Variants in ADAMTS20 observed in about 807,000 individuals in gnomAD.
ADAMTS20 encodes the protein A disintegrin and metalloproteinase with thrombospondin motifs 20.
In ADAMTS20, 225 loss-of-function variants were observed where a neutral mutation model predicts 260.1. The observed-to-expected ratio is 0.87, with a 90% confidence interval of 0.78 to 0.97. ADAMTS20 has a LOEUF of 0.97. Among genes scored for constraint, ADAMTS20 ranks in the 50% least tolerant of loss-of-function variants. ADAMTS20 has a pLI of 0.00. For missense variants in ADAMTS20, 2,400 were observed against 2,337.7 expected (o/e 1.03, Z -0.55); for synonymous variants, 802 against 769.5 (o/e 1.04, Z -0.70).
intron 37 of ADAMTS20, among the ~76,000 whole-genome samples, chr12:43,365,793 T>C (rs1056372507): frequency 2.0e-5 from 3 of 151,936 alleles, no homozygotes; most frequent in Non-Finnish European, 2.9e-5. Flanking sequence ...TCTTTATATT[T>C]CACTGGAAAG....
rs562696669 is a variant in ADAMTS20 at position 43,539,738 on chromosome 12, T to G, written c.454-7543A>C. On this transcript the variant is annotated intron_variant, in intron 2 of 38. Transcript: ENST00000389420. ...TTTCTGCCTTTTTTAAAAAGCATGC[T>G]GAAGAGGGGAAATGTGATACTATCT... 1.0e-3 allele frequency among the ~76,000 whole-genome samples: 154 copies of G among 152,340 alleles called. 1 individual carries two copies. The highest frequency in any genetic ancestry group is 1.7e-3 in the Non-Finnish European group (117 of 68,036).
chr12:43,504,543 A>G (rs539325506), intron 3 of ADAMTS20, among the ~76,000 whole-genome samples: 1 of 152,290 alleles, frequency 6.6e-6, no homozygotes, highest in South Asian at 2.1e-4. Flanking sequence ...TAAAATATCC[A>G]TGACCAATTA....
chr12:43,436,813 G>A (rs983910084), intron 18 of ADAMTS20, among the ~76,000 whole-genome samples: 8 of 152,064 alleles, frequency 5.3e-5, no homozygotes, highest in African/African-American at 1.9e-4. Context: ...CTGTTATCCC[G>A]CAGCACCCTC....
intron 28 of ADAMTS20, among the ~76,000 whole-genome samples, chr12:43,424,651 T>A (rs1182334433): frequency 6.6e-6 from 1 of 152,076 alleles, no homozygotes; most frequent in Non-Finnish European, 1.5e-5. Flanking sequence ...CATAATTATA[T>A]GCCTAAACAA....
intron 33 of ADAMTS20, 86 bp from the exon 34 acceptor site, chr12:43,376,416 A>G (rs1940229787): frequency 1.4e-6 from 2 of 1,447,846 alleles, no homozygotes; most frequent in Non-Finnish European, 1.9e-6. Context: ...CTACACTCTG[A>G]ATATCTGACA....
chr12:43,432,308 C>T lies in ADAMTS20; in HGVS notation c.3092G>A (p.Ser1031Asn), dbSNP rs759480201. 5.6e-6 allele frequency: 9 copies of T among 1,613,674 alleles called. No individual in the cohort carries two copies. The highest frequency in any genetic ancestry group is 5.9e-6 in the Non-Finnish European group (7 of 1,179,704). The change falls in exon 21 of 39, where the codon AGC becomes AAC. Residue 1031 changes from serine (S) to asparagine (N), a missense_variant. Physicochemically the swap from Ser to Asn is conservative, Grantham distance 46. Transcript: ENST00000389420. ...SCPSWAASEWSECLVTCGKGT... is the reference protein window; with the variant it reads ...SCPSWAASEWNECLVTCGKGT... ...AGCATCATGTGTTTAATGTACCTCGCTCCATTCACTAGCAGCCCAACTGGG... is the reference window on the plus strand; with the variant it reads ...AGCATCATGTGTTTAATGTACCTCGTTCCATTCACTAGCAGCCCAACTGGG...
intron 37 of ADAMTS20, among the ~76,000 whole-genome samples, chr12:43,362,327 G>A (rs551506985): frequency 6.6e-6 from 1 of 152,296 alleles, no homozygotes; most frequent in African/African-American, 2.4e-5. Flanking sequence ...ACTCAGCAGA[G>A]AAAGGACAGT....
chr12:43,384,086 T>C, intron 29 of ADAMTS20, 109 bp from the exon 30 acceptor site: 1 of 1,007,480 alleles, frequency 9.9e-7, no homozygotes, highest in Non-Finnish European at 1.4e-6. Flanking sequence ...AGCCTGGTAT[T>C]AAAACATGAA....
intron 29 of ADAMTS20, among the ~76,000 whole-genome samples, chr12:43,393,747 A>T (rs1431386688): frequency 6.6e-6 from 1 of 152,070 alleles, no homozygotes; most frequent in Non-Finnish European, 1.5e-5. Flanking sequence ...TAGTACCATT[A>T]GCAGTAGTAT....
At chr12:43,498,758 C>G (rs1942712351) in intron 4 of ADAMTS20, among the ~76,000 whole-genome samples, 2 of 152,158 alleles carry the variant, frequency 1.3e-5, no homozygotes, top group African/African-American at 4.8e-5. Context: ...TTGATCGCTA[C>G]ACAGTGTGAT....
At chr12:43,511,077 A>G (rs1592103921) in intron 3 of ADAMTS20, among the ~76,000 whole-genome samples, 4 of 152,142 alleles carry the variant, frequency 2.6e-5, no homozygotes, top group African/African-American at 9.6e-5. Flanking sequence ...CTAGTCACCA[A>G]GTTTGGCCAT....
chr12:43,430,076 CCTT>C (rs1216673599), intron 23 of ADAMTS20, among the ~76,000 whole-genome samples: 2 of 151,644 alleles, frequency 1.3e-5, no homozygotes, highest in South Asian at 2.1e-4. Context: ...ATAGATATAA[CCTT>C]CTTCTTCAGT....
intron 36 of ADAMTS20, among the ~76,000 whole-genome samples, chr12:43,372,440 G>A (rs1940127224): frequency 6.6e-6 from 1 of 152,188 alleles, no homozygotes; most frequent in African/African-American, 2.4e-5. Flanking sequence ...TTTCCTGGAA[G>A]TGACATGAAT....
chr12:43,501,481 G>GCGCGCACACACACA (rs373746834), intron 4 of ADAMTS20, among the ~76,000 whole-genome samples: 144 of 117,836 alleles, frequency 1.2e-3, no homozygotes, highest in Non-Finnish European at 2.1e-3. Flanking sequence ...GCGCGCGCGC[G>GCGCGCACACACACA]CACACACACA....
chr12:43,423,067 A>G (rs1031076242), intron 28 of ADAMTS20: 18 of 152,120 alleles, frequency 1.2e-4, no homozygotes, highest in African/African-American at 4.1e-4. Flanking sequence ...TAATTTTAAT[A>G]TTCTATAAAT....
chr12:43,371,179 T>C (rs1940099742), intron 36 of ADAMTS20, among the ~76,000 whole-genome samples: 1 of 152,228 alleles, frequency 6.6e-6, no homozygotes, highest in Non-Finnish European at 1.5e-5. Context: ...TTCTCTGATA[T>C]CGCCAAAATG....
chr12:43,546,753 C>G (rs181147542), intron 2 of ADAMTS20, among the ~76,000 whole-genome samples: 1 of 152,096 alleles, frequency 6.6e-6, no homozygotes, highest in Non-Finnish European at 1.5e-5. Flanking sequence ...CATTACATTA[C>G]TTATAGATAA....
intron 36 of ADAMTS20, among the ~76,000 whole-genome samples, chr12:43,373,670 CTTTTTTTTTTTTT>C (rs71091149): frequency 4.2e-5 from 3 of 71,262 alleles, no homozygotes; most frequent in African/African-American, 6.0e-5. Context: ...AATATCATCT[CTTTTTTTTTTTTT>C]TTTTTTTTTT....
chr12:43,479,235 C>T (rs1195447128), intron 7 of ADAMTS20, among the ~76,000 whole-genome samples: 2 of 151,964 alleles, frequency 1.3e-5, no homozygotes, highest in Non-Finnish European at 1.5e-5. Context: ...TTAAGCTAGA[C>T]GAGGTAACTA....
Sources: gnomAD v4.1 joint callset for allele counts (sites outside exome capture counted in the v4.1 genomes callset) on GRCh38, gnomAD v4.1.1 for gene constraint, MANE v1.5 for transcripts, NCBI Gene and HGNC (gene_info 2026-07-23, HGNC 2026-07-21) for gene names.